DPP6: variants seen among roughly 807,000 people sequenced by gnomAD.
DPP6 encodes the protein dipeptidyl peptidase like 6, also known as A-type potassium channel modulatory protein DPP6.
Under a neutral mutation model 122.6 loss-of-function variants are expected in DPP6, and 69 were observed. The observed-to-expected ratio is 0.56, with a 90% CI of 0.46 to 0.69. The LOEUF (loss-of-function observed/expected upper bound fraction) is 0.69, where lower values mean the gene tolerates loss of function less well. Ranked by LOEUF, DPP6 falls within the 30% of genes least tolerant of loss-of-function variation. DPP6 has a pLI of 0.00. For missense variants in DPP6, 928 were observed against 1,116.9 expected (o/e 0.83, Z 2.41); for synonymous variants, 418 against 433.1 (o/e 0.97, Z 0.43).
chr7:154,612,783 C>G (rs1180031855), intron 5 of DPP6, among the ~76,000 whole-genome samples: 1 of 152,190 alleles, frequency 6.6e-6, no homozygotes, highest in Non-Finnish European at 1.5e-5. Context: ...CTCAGTTTCC[C>G]TCTGTCCTCA....
chr7:154,127,620 C>CACACACACACACACACACACACACAG (rs1563225612), intron 1 of DPP6, among the ~76,000 whole-genome samples: 8 of 119,482 alleles, frequency 6.7e-5, no homozygotes, highest in African/African-American at 2.4e-4. Flanking sequence ...CACACACACA[C>CACACACACACACACACACACACACAG]ACACACACAC....
rs113380758 is a variant in DPP6 at position 154,063,750 on chromosome 7, G to T, written c.243+10687G>T. The stretch of plus-strand genomic sequence containing the variant: ...TCTTCCCCCCCGGCTTAGGACCCCC[G>T]TCGTGGATCCTCAGATCCTTAGGAC... On this transcript the variant is annotated intron_variant, in intron 1 of 25. Coordinates refer to ENST00000377770, the MANE Select transcript of DPP6 (RefSeq NM_130797.4). 3.7e-3 allele frequency among the ~76,000 whole-genome samples: 561 copies of T among 149,808 alleles called. 2 individuals carry two copies. Among genetic ancestry groups the T allele is most frequent in the Middle Eastern group, 0.014 (4 of 286 alleles).
At chr7:154,864,181 TGTG>T (rs1803663345) in intron 17 of DPP6, among the ~76,000 whole-genome samples, 1 of 152,242 alleles carries the variant, frequency 6.6e-6, no homozygotes, top group Non-Finnish European at 1.5e-5. Context: ...CTTGTAGAAA[TGTG>T]AGAAAGGGAA....
the DPP6 span, among the ~76,000 whole-genome samples, chr7:153,768,538 C>T: frequency 6.6e-6 from 1 of 152,108 alleles, no homozygotes; most frequent in South Asian, 2.1e-4. Context: ...ATGTTATCAC[C>T]TTTCTGGATG....
chr7:154,704,838 T>A (rs191650836), intron 7 of DPP6, among the ~76,000 whole-genome samples: 1 of 152,392 alleles, frequency 6.6e-6, no homozygotes, highest in African/African-American at 2.4e-5. Flanking sequence ...GATATTCACT[T>A]TATTGTGGTG....
intron 5 of DPP6, among the ~76,000 whole-genome samples, chr7:154,608,473 G>T (rs1486326604): frequency 6.8e-6 from 1 of 147,542 alleles, no homozygotes; most frequent in Non-Finnish European, 1.5e-5. Context: ...GACTACAGGA[G>T]CGTGCCACTA....
At chr7:154,480,180 T>C (rs191930531) in intron 3 of DPP6, among the ~76,000 whole-genome samples, 3 of 152,284 alleles carry the variant, frequency 2.0e-5, no homozygotes, top group Non-Finnish European at 2.9e-5. Context: ...ATGAACGAAA[T>C]GTGGTCTTCC....
the DPP6 span, among the ~76,000 whole-genome samples, chr7:153,865,284 G>A: frequency 6.6e-6 from 1 of 152,096 alleles, no homozygotes; most frequent in African/African-American, 2.4e-5. Flanking sequence ...GAAAAGTAAG[G>A]TTACTCATTC....
At chr7:153,884,704 C>A (rs192611624), upstream of DPP6, among the ~76,000 whole-genome samples, 1 of 152,046 alleles carries the variant, frequency 6.6e-6, no homozygotes, top group Admixed American at 6.6e-5. Context: ...GTCGGCCGGG[C>A]GCAGTGGCTC....
chr7:154,728,981 T>C (rs58891605), intron 8 of DPP6, among the ~76,000 whole-genome samples: 58 of 152,232 alleles, frequency 3.8e-4, no homozygotes, highest in African/African-American at 1.4e-3. Flanking sequence ...ATATATGAAT[T>C]TGGGGGGACA....
At chr7:153,945,361 C>T (rs1490901305) in intron 1 of DPP6, among the ~76,000 whole-genome samples, 1 of 152,072 alleles carries the variant, frequency 6.6e-6, no homozygotes, top group African/African-American at 2.4e-5. Flanking sequence ...CTAATGGAAG[C>T]CAGAAGCTGG....
At chr7:153,939,460 A>T (rs1166148040) in intron 1 of DPP6, among the ~76,000 whole-genome samples, 1 of 152,186 alleles carries the variant, frequency 6.6e-6, no homozygotes, top group African/African-American at 2.4e-5. Context: ...CAGACGTTAA[A>T]CCAACAATTA....
the DPP6 span, among the ~76,000 whole-genome samples, chr7:153,762,541 C>T: frequency 1.3e-4 from 20 of 151,938 alleles, no homozygotes; most frequent in African/African-American, 4.8e-4. Context: ...GAGGCCAAGG[C>T]GTGTGGATCA....
At chr7:154,076,448 A>C (rs2450028) in intron 1 of DPP6, among the ~76,000 whole-genome samples, 85,618 of 149,612 alleles carry the variant, frequency 0.57, 24,500 homozygotes, top group South Asian at 0.59. Context: ...AAAACTCCAT[A>C]ACAAAAATAA....
intron 8 of DPP6, among the ~76,000 whole-genome samples, chr7:154,752,735 G>A (rs769387017): frequency 7.2e-5 from 11 of 152,136 alleles, no homozygotes; most frequent in Non-Finnish European, 1.3e-4. Context: ...CTACAGTGGC[G>A]GCCGCTCTGT....
chr7:154,012,860 T>C (rs1269168681), intron 1 of DPP6, among the ~76,000 whole-genome samples: 1 of 152,252 alleles, frequency 6.6e-6, no homozygotes, highest in Non-Finnish European at 1.5e-5. Context: ...AGAATCTGAA[T>C]GTTTAAAATT....
the DPP6 span, among the ~76,000 whole-genome samples, chr7:153,761,857 A>G: frequency 6.6e-6 from 1 of 152,170 alleles, no homozygotes; most frequent in Admixed American, 6.5e-5. Flanking sequence ...ATTTTTATTA[A>G]TGAGTCCGTG....
At chr7:154,476,388 C>T (rs897391201) in intron 3 of DPP6, among the ~76,000 whole-genome samples, 9 of 152,190 alleles carry the variant, frequency 5.9e-5, no homozygotes, top group Admixed American at 2.6e-4. Flanking sequence ...CTGAAATGTT[C>T]GTGTTCGTGT....
intron 1 of DPP6, among the ~76,000 whole-genome samples, chr7:154,162,296 A>C (rs1219990767): frequency 1.3e-5 from 2 of 152,258 alleles, no homozygotes; most frequent in East Asian, 3.9e-4. Flanking sequence ...CTGCTTGTGG[A>C]CCAGGAGTGT....
Sources: gnomAD v4.1 joint callset for allele counts (sites outside exome capture counted in the v4.1 genomes callset) on GRCh38, gnomAD v4.1.1 for gene constraint, MANE v1.5 for transcripts, NCBI Gene and HGNC (gene_info 2026-07-23, HGNC 2026-07-21) for gene names.